MIGA1: variants seen among roughly 807,000 people sequenced by gnomAD.
MIGA1 encodes the protein mitoguardin 1, also known as family with sequence similarity 73, member A.
Under a neutral mutation model 82.0 loss-of-function variants are expected in MIGA1, and 58 were observed. The observed-to-expected ratio is 0.71, with a 90% confidence interval of 0.57 to 0.88. MIGA1 has a LOEUF of 0.88. Ranked by LOEUF, MIGA1 falls within the 40% of genes least tolerant of loss-of-function variation. The pLI is 0.00. For synonymous variants in MIGA1, 249 were observed against 253.6 expected, an observed-to-expected ratio of 0.98 and a Z score of 0.17; for missense variants, 751 against 749.1, an observed-to-expected ratio of 1.00 and a Z score of -0.03.
At chr1:77,804,451 GGTGCCTATA>G in intron 4 of MIGA1, among the ~76,000 whole-genome samples, 1 of 152,214 alleles carries the variant, frequency 6.6e-6, no homozygotes, top group Middle Eastern at 3.4e-3. Flanking sequence ...GTGCTGTGGT[GGTGCCTATA>G]GTCTCAGCTA....
intron 2 of MIGA1, among the ~76,000 whole-genome samples, chr1:77,790,834 C>T (rs1159585790): frequency 1.3e-5 from 2 of 152,002 alleles, no homozygotes; most frequent in African/African-American, 4.8e-5. Context: ...GTTATCCACC[C>T]GCCTCAGCCT....
At position 77,846,282 on chromosome 1, in the gene MIGA1, A is replaced by G. The variant is rs537161735; in HGVS notation, c.996+2875A>G. 8.5e-4 allele frequency among the ~76,000 whole-genome samples: 130 copies of G among 152,202 alleles called. 1 individual carries two copies. Among genetic ancestry groups the G allele is most frequent in the African/African-American group, 3.0e-3 (124 of 41,528 alleles). On this transcript the variant is annotated intron_variant, in intron 8 of 15. Coordinates refer to ENST00000370791, the MANE Select transcript of MIGA1 (RefSeq NM_198549.4). ...TCACTTAGCATAATGTTTTCTTTCA[A>G]GTTCTGAAAAGTCTTTTTGATGTTG...
At chr1:77,824,302 C>G (rs1683947811) in intron 7 of MIGA1, among the ~76,000 whole-genome samples, 1 of 152,170 alleles carries the variant, frequency 6.6e-6, no homozygotes, top group Non-Finnish European at 1.5e-5. Flanking sequence ...TCATGCCTGT[C>G]TGTAATCCCA....
chr1:77,799,179 T>G lies in MIGA1; in HGVS notation c.196-2152T>G, dbSNP rs1682775734. Among the ~76,000 whole-genome samples, 5 of 152,178 alleles carry G rather than the reference T, an allele frequency of 3.3e-5. No homozygotes were observed. The South Asian group carries it at 1.0e-3, about 31-fold the overall frequency. On this transcript the variant is annotated intron_variant, in intron 2 of 15. Transcript: ENST00000370791. Reference sequence around the variant, plus strand: ...TATAGTTTTATTTTTTGTGATGTCTTTGTCTGGCTTTGATATTAACTGTCC... The same window carrying G: ...TATAGTTTTATTTTTTGTGATGTCTGTGTCTGGCTTTGATATTAACTGTCC...
At chr1:77,815,965 A>G (rs960959548) in intron 7 of MIGA1, among the ~76,000 whole-genome samples, 9 of 151,910 alleles carry the variant, frequency 5.9e-5, no homozygotes, top group Non-Finnish European at 1.0e-4. Flanking sequence ...TTTGAGGCAG[A>G]GTTTCACTCA....
At chr1:77,780,439 T>C (rs1681856099) in intron 1 of MIGA1, among the ~76,000 whole-genome samples, 1 of 152,266 alleles carries the variant, frequency 6.6e-6, no homozygotes, top group South Asian at 2.1e-4. Context: ...GTTGTTGTTA[T>C]TGCAGCTAAA....
chr1:77,804,802 G>A (rs1027065627), intron 4 of MIGA1, among the ~76,000 whole-genome samples: 2 of 151,194 alleles, frequency 1.3e-5, no homozygotes, highest in East Asian at 3.9e-4. Flanking sequence ...GGTAGTTTTT[G>A]TGTTTTTAGT....
At chr1:77,815,445 C>T (rs1161017111) in intron 7 of MIGA1, among the ~76,000 whole-genome samples, 1 of 152,020 alleles carries the variant, frequency 6.6e-6, no homozygotes, top group African/African-American at 2.4e-5. Context: ...AAGTACTTAT[C>T]ATAGGCAGGC....
chr1:77,798,306 A>G (rs1352131866), intron 2 of MIGA1, among the ~76,000 whole-genome samples: 1 of 152,280 alleles, frequency 6.6e-6, no homozygotes, highest in Non-Finnish European at 1.5e-5. Flanking sequence ...CTGTAGCAGC[A>G]TGGATTAGTC....
chr1:77,827,520 A>G (rs541138714), intron 7 of MIGA1, among the ~76,000 whole-genome samples: 18 of 152,254 alleles, frequency 1.2e-4, no homozygotes, highest in African/African-American at 3.4e-4. Flanking sequence ...AGAAGAGAAT[A>G]CAGAGCAAAT....
rs182536428 is a variant in MIGA1 at position 77,811,466 on chromosome 1, T to C, written c.638-2268T>C. The C allele has an allele frequency of 1.4e-4, 219 of 1,537,154 alleles. 1 individual carries two copies. The East Asian group carries it at 4.0e-3, about 28-fold the overall frequency. On this transcript the variant is annotated intron_variant, in intron 5 of 15. Transcript: ENST00000370791. ...GGCTGAACATCAAATGGGAATTCTT[T>C]ATTATATGTAAGAATATTCTTTAGG...
chr1:77,789,651 C>A (rs1682334208), intron 2 of MIGA1, among the ~76,000 whole-genome samples: 1 of 151,930 alleles, frequency 6.6e-6, no homozygotes, highest in South Asian at 2.1e-4. Flanking sequence ...TAAACCATTG[C>A]ATTTATTTAT....
At chr1:77,840,142 G>A (rs975760960) in intron 7 of MIGA1, among the ~76,000 whole-genome samples, 2 of 152,090 alleles carry the variant, frequency 1.3e-5, no homozygotes, top group Non-Finnish European at 2.9e-5. Flanking sequence ...TTTTATTGTC[G>A]TATCTAAGAA....
At chr1:77,803,052 A>T (rs1332540984) in intron 3 of MIGA1, among the ~76,000 whole-genome samples, 1 of 152,162 alleles carries the variant, frequency 6.6e-6, no homozygotes, top group African/African-American at 2.4e-5. Context: ...TCTTCATTTC[A>T]GAAGCAGATT....
At chr1:77,867,134 G>A (rs551566275) in intron 14 of MIGA1, among the ~76,000 whole-genome samples, 1 of 152,220 alleles carries the variant, frequency 6.6e-6, no homozygotes, top group East Asian at 1.9e-4. Context: ...CTCACACCCT[G>A]TAACCTGTCT....
At chr1:77,844,370 T>G (rs925229133) in intron 8 of MIGA1, among the ~76,000 whole-genome samples, 5 of 151,826 alleles carry the variant, frequency 3.3e-5, no homozygotes, top group Admixed American at 2.0e-4. Context: ...TTATATAGAT[T>G]GTATGATTAT....
intron 8 of MIGA1, chr1:77,848,042 C>A: frequency 7.8e-7 from 1 of 1,290,228 alleles, no homozygotes; most frequent in Non-Finnish European, 1.1e-6. Context: ...CCAGACACCA[C>A]ACGAAAGGAT....
At chr1:77,782,966 A>G in intron 1 of MIGA1, 1 of 776,034 alleles carries the variant, frequency 1.3e-6, no homozygotes, top group Non-Finnish European at 1.6e-6. Context: ...CAATTTCCTA[A>G]GGAAAATTTG....
At chr1:77,802,179 T>C (rs1286501364) in intron 3 of MIGA1, among the ~76,000 whole-genome samples, 4 of 152,198 alleles carry the variant, frequency 2.6e-5, no homozygotes, top group Non-Finnish European at 5.9e-5. Context: ...GTGATATGCT[T>C]TTGTGAGTCA....
Sources: gnomAD v4.1 joint callset for allele counts (sites outside exome capture counted in the v4.1 genomes callset) on GRCh38, gnomAD v4.1.1 for gene constraint, MANE v1.5 for transcripts, NCBI Gene and HGNC (gene_info 2026-07-23, HGNC 2026-07-21) for gene names.